DUSP16: variants seen among roughly 807,000 people sequenced by gnomAD.
DUSP16 encodes the protein dual specificity protein phosphatase 16.
Under a neutral mutation model 58.3 loss-of-function variants are expected in DUSP16, and 21 were observed. That is an observed-to-expected ratio of 0.36 (90% CI 0.26 to 0.52). DUSP16 has a LOEUF of 0.52. Among genes scored for constraint, DUSP16 ranks in the 20% least tolerant of loss-of-function variants. DUSP16 has a pLI of 0.94. For missense variants in DUSP16, 726 were observed against 819.0 expected (o/e 0.89, Z 1.39); for synonymous variants, 320 against 323.8 (o/e 0.99, Z 0.12).
chr12:12,561,610 GCA>G (rs1398611541), intron 1 of DUSP16, among the ~76,000 whole-genome samples: 1 of 152,214 alleles, frequency 6.6e-6, no homozygotes, highest in East Asian at 1.9e-4. Flanking sequence ...GAAGAAAGCA[GCA>G]CCGTCACCAC....
At chr12:12,480,938 C>CT (rs1405697170) in intron 5 of DUSP16, among the ~76,000 whole-genome samples, 5 of 152,132 alleles carry the variant, frequency 3.3e-5, no homozygotes, top group South Asian at 4.1e-4. Flanking sequence ...AGGCTGGTCT[C>CT]TAACTCCTGG....
chr12:12,473,608 A>G lies in DUSP16; in HGVS notation c.*3225T>C, dbSNP rs1395451758. On this transcript the variant is annotated 3_prime_UTR_variant, in exon 7 of 7. Coordinates refer to ENST00000298573, the MANE Select transcript of DUSP16 (RefSeq NM_030640.3). ...TTTCTTATAAATTTTCTTAAATGTA[A>G]CTTCAACTCAACCAACTTCAAGGTC... 6.6e-6 allele frequency among the ~76,000 whole-genome samples: 1 copy of G among 152,164 alleles called. No individual in the cohort carries two copies. The highest frequency in any genetic ancestry group is 1.5e-5 in the Non-Finnish European group (1 of 68,018).
At chr12:12,515,330 CTT>C (rs34048427) in intron 3 of DUSP16, among the ~76,000 whole-genome samples, 149 of 138,724 alleles carry the variant, frequency 1.1e-3, no homozygotes, top group Admixed American at 1.8e-3. Context: ...TATTAATATG[CTT>C]TTTTTTTTTT....
chr12:12,530,625 T>C (rs545313582), intron 1 of DUSP16, among the ~76,000 whole-genome samples: 1 of 152,298 alleles, frequency 6.6e-6, no homozygotes, highest in South Asian at 2.1e-4. Context: ...TACAATTTCT[T>C]CCTTAAAACT....
intron 1 of DUSP16, among the ~76,000 whole-genome samples, chr12:12,557,478 AAGT>A (rs928575124): frequency 5.9e-5 from 9 of 151,844 alleles, no homozygotes; most frequent in African/African-American, 2.2e-4. Flanking sequence ...AAAAAAATCT[AAGT>A]TTCCATGCTT....
At chr12:12,531,868 T>TTAAAACAAGGCCGGGCGCGG (rs1381960982) in intron 1 of DUSP16, among the ~76,000 whole-genome samples, 1 of 150,602 alleles carries the variant, frequency 6.6e-6, no homozygotes, top group African/African-American at 2.5e-5. Flanking sequence ...GAGACTCATC[T>TTAAAACAAGGCCGGGCGCGG]TAAAACAAGG....
intron 1 of DUSP16, among the ~76,000 whole-genome samples, chr12:12,538,106 G>A (rs1048935281): frequency 6.6e-6 from 1 of 152,142 alleles, no homozygotes; most frequent in Admixed American, 6.5e-5. Context: ...AAATGTCCCA[G>A]GAGGTTCAGA....
At chr12:12,520,397 G>GA (rs1944215542) in intron 2 of DUSP16, among the ~76,000 whole-genome samples, 2 of 152,116 alleles carry the variant, frequency 1.3e-5, no homozygotes, top group East Asian at 3.9e-4. Flanking sequence ...TATTTGTGAA[G>GA]AAAAAAACCA....
chr12:12,552,409 G>A (rs1163886233), intron 1 of DUSP16, among the ~76,000 whole-genome samples: 1 of 151,908 alleles, frequency 6.6e-6, no homozygotes, highest in Non-Finnish European at 1.5e-5. Flanking sequence ...TCACACCACT[G>A]CACTCCAGCC....
chr12:12,513,406 G>A (rs891975316), intron 3 of DUSP16, among the ~76,000 whole-genome samples: 1 of 152,134 alleles, frequency 6.6e-6, no homozygotes, highest in Non-Finnish European at 1.5e-5. Context: ...ATTACAAAAA[G>A]AGCCTTTCAG....
At chr12:12,531,777 A>T (rs2136242104) in intron 1 of DUSP16, among the ~76,000 whole-genome samples, 1 of 152,248 alleles carries the variant, frequency 6.6e-6, no homozygotes, top group East Asian at 1.9e-4. Context: ...AGGCTGAGGC[A>T]GGAGAATCGC....
intron 1 of DUSP16, among the ~76,000 whole-genome samples, chr12:12,541,858 C>G (rs1208387092): frequency 1.3e-5 from 2 of 152,064 alleles, no homozygotes; most frequent in Non-Finnish European, 2.9e-5. Context: ...CCCACAAAAA[C>G]TTGTATAAAA....
intron 4 of DUSP16, among the ~76,000 whole-genome samples, chr12:12,499,657 G>T (rs143407557): frequency 6.6e-6 from 1 of 152,164 alleles, no homozygotes; most frequent in Non-Finnish European, 1.5e-5. Flanking sequence ...GTGTTAAGGG[G>T]TTCTTCCCTT....
intron 4 of DUSP16, among the ~76,000 whole-genome samples, chr12:12,490,414 C>CA (rs141006542): frequency 0.028 from 4,149 of 150,056 alleles, 85 homozygotes; most frequent in Non-Finnish European, 0.044. Context: ...AAACCAAAAA[C>CA]AAAAAAAAAC....
chr12:12,480,133 T>C, intron 6 of DUSP16, 90 bp downstream of exon 6: 1 of 1,490,334 alleles, frequency 6.7e-7, no homozygotes, highest in Non-Finnish European at 9.1e-7. Flanking sequence ...ATAATCATGA[T>C]CTGCTTTAAT....
chr12:12,521,201 A>G lies in DUSP16; in HGVS notation c.-103T>C. On this transcript the variant is annotated 5_prime_UTR_variant, in exon 2 of 7. Coordinates refer to ENST00000298573, the MANE Select transcript of DUSP16 (RefSeq NM_030640.3). ...AGCCACTCCATTGTACTAAAAGTGT[A>G]TGAGGTCAGGCTGGTGGTGACTGGC... 6.6e-7 allele frequency: 1 copy of G among 1,518,988 alleles called. No individual in the cohort carries two copies. The highest frequency in any genetic ancestry group is 2.5e-5 in the East Asian group (1 of 40,806). 94.1% of individuals were successfully genotyped at this position (1,518,988 alleles called of 1,614,324 possible).
In DUSP16 at chr12:12,477,047, T is replaced by A; in HGVS notation, c.1784A>T (p.Tyr595Phe). 6.2e-7 allele frequency: 1 copy of A among 1,614,266 alleles called. No homozygotes were observed. The highest frequency in any genetic ancestry group is 1.1e-5 in the South Asian group (1 of 91,088). Residue 595 changes from tyrosine (Y) to phenylalanine (F), a missense_variant, in exon 7 of 7, where the codon TAT becomes TTT. Tyr to Phe is a conservative substitution (Grantham distance 22). Transcript: ENST00000298573. The surrounding 1 kb of genome is among the most constrained non-coding windows in gnomAD (Gnocchi z 4.1). Reference protein sequence around the residue: ...SQLPTCGDQVYSVRRRQKPSD... With the variant: ...SQLPTCGDQVFSVRRRQKPSD... ...TGGCTTCTGCCGCCTGCGCACAGAA[T>A]AGACTTGGTCTCCGCAAGTGGGCAG...
intron 1 of DUSP16, among the ~76,000 whole-genome samples, chr12:12,527,589 T>C (rs558173538): frequency 6.6e-6 from 1 of 152,304 alleles, no homozygotes; most frequent in Non-Finnish European, 1.5e-5. Flanking sequence ...ACCCCAGAAC[T>C]TAAAAGTATA....
chr12:12,532,654 TAAG>T (rs10538570), intron 1 of DUSP16, among the ~76,000 whole-genome samples: 14,023 of 152,116 alleles, frequency 0.092, 1,246 homozygotes, highest in East Asian at 0.3. Flanking sequence ...GGGCAAAGGT[TAAG>T]AAGATGAGAA....
Sources: allele counts gnomAD v4.1 joint callset (sites outside exome capture counted in the v4.1 genomes callset), GRCh38; gene constraint gnomAD v4.1.1; non-coding constraint Gnocchi (gnomAD v3.1); transcripts MANE v1.5; gene names NCBI Gene and HGNC (gene_info 2026-07-23, HGNC 2026-07-21).